Variants in SORBS2 observed in about 807,000 individuals in gnomAD.
SORBS2 encodes sorbin and SH3 domain containing 2, also known as sorbin and SH3 domain-containing protein 2.
In SORBS2, 46 loss-of-function variants were observed where a neutral mutation model predicts 97.7. That is an observed-to-expected ratio of 0.47 (90% CI 0.37 to 0.60). The LOEUF is 0.60. SORBS2 is among the 20% of genes least tolerant of loss of function. The pLI is 0.00. For synonymous variants in SORBS2, 476 were observed against 473.4 expected, an observed-to-expected ratio of 1.01 and a Z score of -0.07; for missense variants, 1,316 against 1,282.3, an observed-to-expected ratio of 1.03 and a Z score of -0.40.
exon 15 of SORBS2, chr4:185,586,377 A>G (rs2095801588): frequency 6.5e-6 from 1 of 152,696 alleles, no homozygotes; most frequent in Non-Finnish European, 1.5e-5. Context: ...GCTTCTAAAA[A>G]GTGCCTAATT....
At chr4:185,881,742 T>C (rs941680327) in intron 1 of SORBS2, among the ~76,000 whole-genome samples, 1 of 152,182 alleles carries the variant, frequency 6.6e-6, no homozygotes, top group Non-Finnish European at 1.5e-5. Flanking sequence ...ACTAAATTAT[T>C]GTGGGAATTT....
chr4:185,812,497 A>T (rs2099188495), intron 1 of SORBS2, among the ~76,000 whole-genome samples: 1 of 152,340 alleles, frequency 6.6e-6, no homozygotes, highest in Admixed American at 6.5e-5. Flanking sequence ...TATGAAATCG[A>T]GGAAGTGAAG....
chr4:185,695,955 C>T (rs969261731), intron 2 of SORBS2, among the ~76,000 whole-genome samples: 1 of 152,148 alleles, frequency 6.6e-6, no homozygotes, highest in Admixed American at 6.5e-5. Context: ...TGTCCATGCT[C>T]ATAAGAACAC....
intron 2 of SORBS2, among the ~76,000 whole-genome samples, chr4:185,689,733 T>A (rs2098054393): frequency 2.0e-5 from 3 of 152,138 alleles, no homozygotes; most frequent in Admixed American, 2.0e-4. Context: ...ACAAGAGACC[T>A]CAAAAAGGCA....
At chr4:185,950,741 T>C (rs2099276831) in intron 1 of SORBS2, among the ~76,000 whole-genome samples, 1 of 152,226 alleles carries the variant, frequency 6.6e-6, no homozygotes, top group Non-Finnish European at 1.5e-5. Context: ...TGTTGCCCTT[T>C]TTTCCTCTAA....
chr4:185,780,708 T>G (rs2099024280), intron 1 of SORBS2, among the ~76,000 whole-genome samples: 3 of 152,218 alleles, frequency 2.0e-5, no homozygotes, highest in Admixed American at 2.0e-4. Flanking sequence ...ATACGTCCAA[T>G]GACTTCTACT....
chr4:185,851,065 T>C (rs937056201), intron 1 of SORBS2, among the ~76,000 whole-genome samples: 17 of 152,166 alleles, frequency 1.1e-4, no homozygotes, highest in Non-Finnish European at 2.5e-4. Context: ...ATCGTGGGAT[T>C]TCCTGGCTGC....
At chr4:185,649,740 A>C in intron 2 of SORBS2, 84 bp from the exon 12 acceptor site, 1 of 854,508 alleles carries the variant, frequency 1.2e-6, no homozygotes, top group Non-Finnish European at 1.7e-6. Context: ...TCCCCCTCAA[A>C]ATAGCCAATG....
At chr4:185,683,584 T>G in intron 2 of SORBS2, among the ~76,000 whole-genome samples, 1 of 152,230 alleles carries the variant, frequency 6.6e-6, no homozygotes, top group South Asian at 2.1e-4. Context: ...AGCCACTACA[T>G]ACAAATAGAG....
intron 1 of SORBS2, among the ~76,000 whole-genome samples, chr4:185,905,831 G>A (rs937291701): frequency 7.9e-5 from 12 of 152,092 alleles, no homozygotes; most frequent in Admixed American, 7.2e-4. Context: ...CAAGTCAAAG[G>A]GAACAACTGC....
At chr4:185,943,189 A>G (rs770419403) in intron 1 of SORBS2, among the ~76,000 whole-genome samples, 1 of 152,236 alleles carries the variant, frequency 6.6e-6, no homozygotes, top group Non-Finnish European at 1.5e-5. Flanking sequence ...TTCAGGAAAG[A>G]TCCCTTGGGT....
At chr4:185,931,978 GTC>G (rs71598510) in intron 1 of SORBS2, among the ~76,000 whole-genome samples, 194 of 139,992 alleles carry the variant, frequency 1.4e-3, no homozygotes, top group Non-Finnish European at 1.9e-3. Context: ...GGAAGAACCT[GTC>G]TCTCTCTCTC....
chr4:185,634,460 A>T (rs2096960864), intron 4 of SORBS2, among the ~76,000 whole-genome samples: 1 of 152,066 alleles, frequency 6.6e-6, no homozygotes, highest in Non-Finnish European at 1.5e-5. Context: ...TGCTTCTAAG[A>T]GTTCCTTGCA....
At chr4:185,637,869 G>C (rs1378917823) in intron 4 of SORBS2, among the ~76,000 whole-genome samples, 1 of 152,094 alleles carries the variant, frequency 6.6e-6, no homozygotes, top group African/African-American at 2.4e-5. Flanking sequence ...AAATCTTAAT[G>C]AATGACCTAC....
At chr4:185,658,720 CTCGCTCTGTCA>C (rs1582024335), upstream of SORBS2, among the ~76,000 whole-genome samples, 1 of 121,064 alleles carries the variant, frequency 8.3e-6, no homozygotes, top group Admixed American at 1.0e-4. Context: ...GAGATGGAGT[CTCGCTCTGTCA>C]CCCAGCTGGA....
intron 1 of SORBS2, among the ~76,000 whole-genome samples, chr4:185,951,124 C>T (rs1447662185): frequency 6.6e-6 from 1 of 152,126 alleles, no homozygotes; most frequent in Non-Finnish European, 1.5e-5. Flanking sequence ...CATTGTTTTT[C>T]ATTGCCTGCC....
chr4:185,920,731 C>T lies in SORBS2; in HGVS notation c.-338+35465G>A, dbSNP rs556257943. 8.5e-5 allele frequency among the ~76,000 whole-genome samples: 13 copies of T among 152,208 alleles called. No individual in the cohort carries two copies. The South Asian group carries it at 2.5e-3, about 29-fold the overall frequency. On this transcript the variant is annotated intron_variant, in intron 1 of 20. Coordinates refer to the SORBS2 transcript ENST00000284776. ...GTTTCCTTCAAGAAGCTAGGATTTT[C>T]GTAGACTGAATACATTAAATATTGA...
intron 1 of SORBS2, among the ~76,000 whole-genome samples, chr4:185,943,055 A>G (rs920872822): frequency 6.6e-6 from 1 of 152,236 alleles, no homozygotes; most frequent in Non-Finnish European, 1.5e-5. Context: ...AGGTGGTTTA[A>G]TGCAACAATA....
chr4:185,662,901 C>T (rs759473309), intron 4 of SORBS2, among the ~76,000 whole-genome samples: 21 of 152,152 alleles, frequency 1.4e-4, no homozygotes, highest in East Asian at 5.8e-4. Context: ...TTCATTGTTT[C>T]GATTGTTCCG....
Sources: gnomAD v4.1 joint callset for allele counts (sites outside exome capture counted in the v4.1 genomes callset) on GRCh38, gnomAD v4.1.1 for gene constraint, MANE v1.5 for transcripts, NCBI Gene and HGNC (gene_info 2026-07-23, HGNC 2026-07-21) for gene names.